THSD7B: variants seen among roughly 807,000 people sequenced by gnomAD.
The protein encoded by THSD7B is thrombospondin type 1 domain containing 7B.
THSD7B carries 138 observed loss-of-function variants against 213.6 expected under a neutral mutation model. That is an observed-to-expected ratio of 0.65 (90% CI 0.56 to 0.74). The LOEUF is 0.74. Among genes scored for constraint, THSD7B ranks in the 30% least tolerant of loss-of-function variants. The pLI, the probability that THSD7B is intolerant of heterozygous loss-of-function variation, is 0.00. For missense variants in THSD7B, 1,931 were observed against 1,991.5 expected, an observed-to-expected ratio of 0.97 and a Z score of 0.58; for synonymous variants, 742 against 687.0, an observed-to-expected ratio of 1.08 and a Z score of -1.25.
intron 20 of THSD7B, among the ~76,000 whole-genome samples, chr2:137,630,208 G>A (rs1682715230): frequency 6.6e-6 from 1 of 152,098 alleles, no homozygotes; most frequent in South Asian, 2.1e-4. Context: ...TACCCAGGCT[G>A]GTCTTGAACT....
At position 137,143,339 on chromosome 2, in the gene THSD7B, C is replaced by T. The variant is rs139019113; in HGVS notation, c.1370-16874C>T. 3.0e-4 allele frequency among the ~76,000 whole-genome samples: 45 copies of T among 152,226 alleles called. 1 individual carries two copies. Among genetic ancestry groups the T allele is most frequent in the South Asian group, 1.7e-3 (8 of 4,826 alleles). ...ATAAGCCCATCAAAACGTGGAATCA[C>T]GCATTCTCTTCTCTGGGACTTTTTA... On this transcript the variant is annotated intron_variant, in intron 5 of 27. Coordinates refer to ENST00000409968, the MANE Select transcript of THSD7B (RefSeq NM_001316349.2).
intron 2 of THSD7B, among the ~76,000 whole-genome samples, chr2:136,919,739 C>T (rs1194146794): frequency 6.6e-6 from 1 of 152,160 alleles, no homozygotes; most frequent in Non-Finnish European, 1.5e-5. Flanking sequence ...ACACTACTGG[C>T]CTGGATCCCA....
rs56743714 is a variant in THSD7B at position 137,575,742 on chromosome 2, A to T, written c.3423+3186A>T. On this transcript the variant is annotated intron_variant, in intron 17 of 27. Transcript: ENST00000409968. ...ATAACACACATATATATATATATATATTTTTACTTTAACATGCTTACTTTT... is the reference window on the plus strand; with the variant it reads ...ATAACACACATATATATATATATATTTTTTTACTTTAACATGCTTACTTTT... Among the ~76,000 whole-genome samples, 707 of 147,310 alleles carry T rather than the reference A, an allele frequency of 4.8e-3. 7 individuals carry two copies. The highest frequency in any genetic ancestry group is 0.016 in the African/African-American group (647 of 40,918).
At chr2:136,851,542 A>G (rs1033689467) in intron 1 of THSD7B, among the ~76,000 whole-genome samples, 5 of 152,282 alleles carry the variant, frequency 3.3e-5, no homozygotes, top group Non-Finnish European at 7.4e-5. Flanking sequence ...TAGTAGCTTA[A>G]AACTATTTTT....
Position 137,404,934 on chromosome 2 carries a change from G to A in THSD7B, c.2501-679G>A, listed in dbSNP as rs118102113. Among the ~76,000 whole-genome samples, 47 of 151,910 alleles carry A rather than the reference G, an allele frequency of 3.1e-4. 1 individual carries two copies. In the East Asian group the frequency reaches 9.1e-3, roughly 30 times the overall value. On this transcript the variant is annotated intron_variant, in intron 12 of 27. Coordinates refer to ENST00000409968, the MANE Select transcript of THSD7B (RefSeq NM_001316349.2). ...ACTGCTCAGGTGATGGGTGTACCAG[G>A]TTATCACACATCTCCGCTAAAGAAT...
intron 5 of THSD7B, among the ~76,000 whole-genome samples, chr2:137,121,467 A>G (rs1688545537): frequency 6.6e-6 from 1 of 152,336 alleles, no homozygotes; most frequent in East Asian, 1.9e-4. Context: ...TAAACTGAAA[A>G]TTCACTAATG....
chr2:137,506,335 T>TTAGA (rs1029840986), intron 15 of THSD7B, among the ~76,000 whole-genome samples: 20 of 152,204 alleles, frequency 1.3e-4, no homozygotes, highest in African/African-American at 4.6e-4. Context: ...GGGATTTTCT[T>TTAGA]TAGATGTTGG....
intron 17 of THSD7B, among the ~76,000 whole-genome samples, chr2:137,590,715 T>C (rs1681844418): frequency 6.6e-6 from 1 of 151,878 alleles, no homozygotes; most frequent in Non-Finnish European, 1.5e-5. Context: ...TTTTTATACG[T>C]TAATTTTGTA....
chr2:137,353,444 C>T (rs1212452083), intron 12 of THSD7B, among the ~76,000 whole-genome samples: 5 of 152,068 alleles, frequency 3.3e-5, no homozygotes, highest in Non-Finnish European at 7.4e-5. Context: ...CCTTCACTGA[C>T]CTAACCAATC....
At chr2:137,203,846 A>G (rs1680927808) in intron 7 of THSD7B, among the ~76,000 whole-genome samples, 1 of 152,072 alleles carries the variant, frequency 6.6e-6, no homozygotes, top group South Asian at 2.1e-4. Flanking sequence ...GTATCATGAC[A>G]CACACACACG....
Position 137,450,981 on chromosome 2 carries a change from C to G in THSD7B, c.3096C>G (p.Tyr1032Ter). ...IRSKWLKEKPYNGGRPCPKLD... is the reference protein window; with the variant it reads ...IRSKWLKEKP ...CCAAATGGCTAAAAGAAAAACCTTA[C>G]AATGGAGGACGACCATGTCCCAAAC... Residue 1032 changes from tyrosine to a stop codon, truncating the protein, a stop_gained, in exon 15 of 28, where the codon TAC becomes TAG. Transcript: ENST00000409968. LOFTEE classifies it high-confidence loss of function. The G allele has an allele frequency of 6.2e-7, 1 of 1,609,508 alleles. No homozygotes were observed. The highest frequency in any genetic ancestry group is 8.5e-7 in the Non-Finnish European group (1 of 1,177,518).
intron 3 of THSD7B, among the ~76,000 whole-genome samples, chr2:137,083,450 A>C (rs1158315666): frequency 1.3e-5 from 2 of 152,132 alleles, no homozygotes; most frequent in Non-Finnish European, 2.9e-5. Context: ...CACATTGCAG[A>C]AGGTGGCAAT....
chr2:137,593,428 G>A (rs1681902123), intron 17 of THSD7B, among the ~76,000 whole-genome samples: 1 of 151,836 alleles, frequency 6.6e-6, no homozygotes, highest in Admixed American at 6.6e-5. Context: ...ATCAACATTT[G>A]ATATTTTCCA....
At chr2:137,150,258 GA>G (rs1287552396) in intron 5 of THSD7B, among the ~76,000 whole-genome samples, 1 of 140,422 alleles carries the variant, frequency 7.1e-6, no homozygotes, top group African/African-American at 2.7e-5. Flanking sequence ...AAAAAAAAAA[GA>G]AAAAGAAAAA....
intron 9 of THSD7B, among the ~76,000 whole-genome samples, chr2:137,241,736 T>C (rs1681910061): frequency 6.6e-6 from 1 of 151,880 alleles, no homozygotes; most frequent in Non-Finnish European, 1.5e-5. Flanking sequence ...CATGGTGAAA[T>C]CCCATCTCTA....
At position 137,575,738 on chromosome 2, in the gene THSD7B, A is replaced by G. The variant is rs866814643; in HGVS notation, c.3423+3182A>G. ...TCCCATAACACACATATATATATAT[A>G]TATATTTTTACTTTAACATGCTTAC... On this transcript the variant is annotated intron_variant, in intron 17 of 27. Coordinates refer to ENST00000409968, the MANE Select transcript of THSD7B (RefSeq NM_001316349.2). 2.7e-4 allele frequency among the ~76,000 whole-genome samples: 41 copies of G among 150,166 alleles called. 1 individual carries two copies. Among genetic ancestry groups the G allele is most frequent in the African/African-American group, 9.4e-4 (39 of 41,280 alleles).
At chr2:137,005,108 G>A (rs1275737037) in intron 2 of THSD7B, among the ~76,000 whole-genome samples, 2 of 152,200 alleles carry the variant, frequency 1.3e-5, no homozygotes, top group South Asian at 2.1e-4. Context: ...GCAGAAGAGA[G>A]TCTATTCTGC....
At chr2:137,233,556 G>C (rs1681692489) in intron 9 of THSD7B, among the ~76,000 whole-genome samples, 1 of 152,110 alleles carries the variant, frequency 6.6e-6, no homozygotes, top group Admixed American at 6.5e-5. Flanking sequence ...GCATTAAATA[G>C]ATACATCCAT....
intron 7 of THSD7B, among the ~76,000 whole-genome samples, chr2:137,174,708 A>G (rs1156845753): frequency 8.5e-5 from 13 of 152,180 alleles, no homozygotes; most frequent in Admixed American, 8.5e-4. Flanking sequence ...AGATTGTATA[A>G]ATGAGTGTTC....
Sources: gnomAD v4.1 joint callset for allele counts (sites outside exome capture counted in the v4.1 genomes callset) on GRCh38, gnomAD v4.1.1 for gene constraint, MANE v1.5 for transcripts, NCBI Gene and HGNC (gene_info 2026-07-23, HGNC 2026-07-21) for gene names.